Variants in DLGAP2 observed in about 807,000 individuals in gnomAD.
DLGAP2 encodes the protein DLG associated protein 2.
A neutral mutation model predicts 100.3 loss-of-function variants in DLGAP2; 26 were observed. The observed-to-expected ratio is 0.26, with a 90% CI of 0.19 to 0.36. The LOEUF (loss-of-function observed/expected upper bound fraction) is 0.36. Ranked by LOEUF, DLGAP2 falls within the 10% of genes least tolerant of loss-of-function variation. The pLI is 1.00. For synonymous variants in DLGAP2, 886 were observed against 630.1 expected (o/e 1.41, Z -6.08); for missense variants, 1,858 against 1,453.2 (o/e 1.28, Z -4.53).
At chr8:1,647,553 A>C (rs1199076065) in intron 8 of DLGAP2, among the ~76,000 whole-genome samples, 1 of 147,964 alleles carries the variant, frequency 6.8e-6, no homozygotes, top group Non-Finnish European at 1.5e-5. Context: ...ACTAACTTTC[A>C]CTAACTTGAA....
intron 1 of DLGAP2, among the ~76,000 whole-genome samples, chr8:848,729 C>T (rs1444005424): frequency 1.4e-5 from 1 of 69,920 alleles, no homozygotes; most frequent in African/African-American, 6.1e-5. Flanking sequence ...AGTGTAGGGT[C>T]GTGCGGTGCG....
intron 4 of DLGAP2, among the ~76,000 whole-genome samples, chr8:1,525,452 C>G (rs531318806): frequency 2.0e-5 from 3 of 152,182 alleles, no homozygotes; most frequent in African/African-American, 7.2e-5. Context: ...TTGATGGTGA[C>G]CATCAGAGTC....
chr8:1,270,205 C>A (rs1799552167), intron 3 of DLGAP2, among the ~76,000 whole-genome samples: 1 of 152,062 alleles, frequency 6.6e-6, no homozygotes, highest in South Asian at 2.1e-4. Context: ...GTACAGCCAA[C>A]AGCATGGGAT....
intron 6 of DLGAP2, among the ~76,000 whole-genome samples, chr8:1,626,113 C>G: frequency 9.9e-6 from 1 of 101,314 alleles, no homozygotes; most frequent in African/African-American, 4.4e-5. Flanking sequence ...GGTTGGACGG[C>G]TGTTCCCACC....
intron 8 of DLGAP2, among the ~76,000 whole-genome samples, chr8:1,651,612 G>T (rs767393067): frequency 1.3e-5 from 2 of 152,136 alleles, no homozygotes; most frequent in African/African-American, 4.8e-5. Flanking sequence ...CTCCTGCCGG[G>T]CTCCTGCCTG....
chr8:749,650 A>G (rs1464493648), intron 1 of DLGAP2, among the ~76,000 whole-genome samples: 2 of 152,116 alleles, frequency 1.3e-5, no homozygotes, highest in Non-Finnish European at 2.9e-5. Flanking sequence ...TTTTTTGAAT[A>G]TTTTCTGAAA....
chr8:1,342,127 A>G (rs1211621147), intron 3 of DLGAP2, among the ~76,000 whole-genome samples: 1 of 151,718 alleles, frequency 6.6e-6, no homozygotes, highest in African/African-American at 2.4e-5. Flanking sequence ...ATTTTTCTGT[A>G]CAGATGGGGT....
rs1797552213 is a variant in DLGAP2 at position 1,188,108 on chromosome 8, C to G, written c.74-70743C>G. Among the ~76,000 whole-genome samples, 5 of 136,818 alleles carry G rather than the reference C, an allele frequency of 3.7e-5. No individual in the cohort carries two copies. The Admixed American group carries it at 3.7e-4, about 10-fold the overall frequency. The allele number at this position is 136,818 out of a possible 152,430, so 89.8% of individuals were successfully genotyped here. A position where few individuals can be genotyped will look rare whatever the true frequency, so the allele number is the denominator to read the frequency against. On this transcript the variant is annotated intron_variant, in intron 2 of 14. Coordinates refer to ENST00000637795, the MANE Select transcript of DLGAP2 (RefSeq NM_001346810.2). ...TCATGGAATCTCACACACCCGGGAC[C>G]TCCGTGACATTTGCCTCACGGAATC...
intron 2 of DLGAP2, among the ~76,000 whole-genome samples, chr8:1,075,926 A>T (rs1803592821): frequency 6.6e-6 from 1 of 152,082 alleles, no homozygotes; most frequent in Admixed American, 6.5e-5. Context: ...AAAAAAAAAG[A>T]AAAAAGACCC....
intron 3 of DLGAP2, among the ~76,000 whole-genome samples, chr8:1,262,162 A>T (rs1275844257): frequency 6.6e-6 from 1 of 152,234 alleles, no homozygotes; most frequent in Non-Finnish European, 1.5e-5. Context: ...AAACAAACGC[A>T]ACCAGGGACA....
At chr8:834,687 G>C (rs1459101985) in intron 1 of DLGAP2, among the ~76,000 whole-genome samples, 1 of 152,056 alleles carries the variant, frequency 6.6e-6, no homozygotes, top group African/African-American at 2.4e-5. Flanking sequence ...GGGAGGAGGG[G>C]GTCAAGTGGG....
At chr8:1,332,218 T>C (rs7830016) in intron 3 of DLGAP2, among the ~76,000 whole-genome samples, 1 of 152,116 alleles carries the variant, frequency 6.6e-6, no homozygotes, top group Non-Finnish European at 1.5e-5. Flanking sequence ...TTGTGATGGT[T>C]TGTGTGAGTG....
chr8:1,660,377 A>G (rs781554114), intron 8 of DLGAP2, among the ~76,000 whole-genome samples: 16 of 152,236 alleles, frequency 1.1e-4, no homozygotes, highest in African/African-American at 2.2e-4. Context: ...TTGTTCTGCT[A>G]TAAACAATCC....
At chr8:1,084,932 A>T (rs1048870294) in intron 2 of DLGAP2, among the ~76,000 whole-genome samples, 14 of 152,212 alleles carry the variant, frequency 9.2e-5, no homozygotes, top group African/African-American at 2.9e-4. Flanking sequence ...TTAATTCCTG[A>T]GACACCTTCG....
chr8:1,504,558 A>T (rs185569593), intron 4 of DLGAP2, among the ~76,000 whole-genome samples: 2 of 151,464 alleles, frequency 1.3e-5, no homozygotes, highest in African/African-American at 2.4e-5. Flanking sequence ...GTTCCCCCCA[A>T]CCCTCTCTCT....
chr8:1,440,236 G>A (rs763492822), intron 3 of DLGAP2, among the ~76,000 whole-genome samples: 6 of 152,136 alleles, frequency 3.9e-5, no homozygotes, highest in Admixed American at 6.5e-5. Context: ...GGTATAAATC[G>A]GGTATCTATT....
intron 2 of DLGAP2, among the ~76,000 whole-genome samples, chr8:1,252,186 A>C (rs112293804): frequency 0.1 from 15,401 of 150,508 alleles, 817 homozygotes; most frequent in South Asian, 0.15. Context: ...TCACGGTGTC[A>C]CAGTCGTGTC....
At chr8:1,496,902 G>C (rs1321530937) in intron 3 of DLGAP2, among the ~76,000 whole-genome samples, 1 of 152,186 alleles carries the variant, frequency 6.6e-6, no homozygotes, top group Non-Finnish European at 1.5e-5. Flanking sequence ...AGACGACCTT[G>C]CTACAGCTCC....
chr8:986,993 T>C (rs1800506420), intron 2 of DLGAP2, among the ~76,000 whole-genome samples: 2 of 152,192 alleles, frequency 1.3e-5, no homozygotes, highest in Admixed American at 1.3e-4. Flanking sequence ...TCATTTAATG[T>C]ATACAGTAAT....
Sources: gnomAD v4.1 joint callset for allele counts (sites outside exome capture counted in the v4.1 genomes callset) on GRCh38, gnomAD v4.1.1 for gene constraint, MANE v1.5 for transcripts, NCBI Gene and HGNC (gene_info 2026-07-23, HGNC 2026-07-21) for gene names.